The following IRAK1BP1 variants were observed in gnomAD, a reference collection of about 807,000 sequenced individuals.
The protein encoded by IRAK1BP1 is interleukin-1 receptor-associated kinase 1-binding protein 1.
A neutral mutation model predicts 28.0 loss-of-function variants in IRAK1BP1; 24 were observed. That is an observed-to-expected ratio of 0.86 (90% confidence interval 0.62 to 1.20). The LOEUF is 1.20. IRAK1BP1 is among the 50% of genes most tolerant of loss of function. The pLI is 0.00. For synonymous variants in IRAK1BP1, 131 were observed against 116.3 expected (o/e 1.13, Z -0.81); for missense variants, 336 against 316.7 (o/e 1.06, Z -0.46).
chr6:78,973,315 A>G, the IRAK1BP1 span, among the ~76,000 whole-genome samples: 830 of 151,170 alleles, frequency 5.5e-3, 5 homozygotes, highest in African/African-American at 0.02. Context: ...TACTTTACAG[A>G]CAAGCAAATG....
chr6:78,930,389 A>G (rs954034266), intron 4 of IRAK1BP1, among the ~76,000 whole-genome samples: 2 of 152,174 alleles, frequency 1.3e-5, no homozygotes, highest in African/African-American at 4.8e-5. Context: ...TTTGTACACT[A>G]TGGAGTTGCT....
At chr6:78,887,825 C>T (rs1051214357) in intron 2 of IRAK1BP1, among the ~76,000 whole-genome samples, 2 of 152,104 alleles carry the variant, frequency 1.3e-5, no homozygotes, top group South Asian at 2.1e-4. Context: ...AATAGAACTA[C>T]GATATGACCC....
chr6:78,935,662 C>T (rs923798631), intron 4 of IRAK1BP1: 20 of 983,528 alleles, frequency 2.0e-5, no homozygotes, highest in South Asian at 1.9e-4. Context: ...AATTACATTT[C>T]GGCACCCAAA....
At chr6:78,973,993 C>G in the IRAK1BP1 span, among the ~76,000 whole-genome samples, 4 of 152,080 alleles carry the variant, frequency 2.6e-5, no homozygotes, top group Non-Finnish European at 5.9e-5. Flanking sequence ...CAAGGATACC[C>G]AGGAATTGAA....
At chr6:78,954,704 A>C in the IRAK1BP1 span, 6 of 700,376 alleles carry the variant, frequency 8.6e-6, no homozygotes, top group East Asian at 3.1e-5. Context: ...CATGTATAAA[A>C]TAATAAAGAA....
At chr6:78,868,358 TTGAG>T (rs1207471502) in intron 1 of IRAK1BP1, among the ~76,000 whole-genome samples, 1 of 152,246 alleles carries the variant, frequency 6.6e-6, no homozygotes, top group African/African-American at 2.4e-5. Flanking sequence ...GGAATGGTTC[TTGAG>T]TATGTTCCGC....
intron 2 of IRAK1BP1, among the ~76,000 whole-genome samples, chr6:78,891,564 C>T (rs978674225): frequency 2.0e-5 from 3 of 151,906 alleles, no homozygotes; most frequent in South Asian, 2.1e-4. Context: ...CAGGTTCAAG[C>T]GATTCTCCTG....
At chr6:78,978,454 T>A in the IRAK1BP1 span, 1 of 509,226 alleles carries the variant, frequency 2.0e-6, no homozygotes, top group South Asian at 5.0e-5. Context: ...TTGTACTTTC[T>A]CCATACATAG....
At chr6:78,905,690 C>T (rs1401638891), downstream of IRAK1BP1, among the ~76,000 whole-genome samples, 1 of 152,168 alleles carries the variant, frequency 6.6e-6, no homozygotes, top group Non-Finnish European at 1.5e-5. Flanking sequence ...CAACCTCCGC[C>T]TCCTGGGTTC....
At position 78,899,184 on chromosome 6, in the gene IRAK1BP1, C is replaced by T. The variant is rs1326834085; in HGVS notation, c.*850C>T. ...AAGCAAACCTGCTCTTTGCCTCATCCCTTATAGATGCTCACTCAAAACTCA... is the reference window on the plus strand; with the variant it reads ...AAGCAAACCTGCTCTTTGCCTCATCTCTTATAGATGCTCACTCAAAACTCA... On this transcript the variant is annotated 3_prime_UTR_variant, in exon 4 of 4. Transcript: ENST00000369940. 6.6e-6 allele frequency: 1 copy of T among 152,140 alleles called. No individual in the cohort carries two copies. The highest frequency in any genetic ancestry group is 1.5e-5 in the Non-Finnish European group (1 of 68,026). The allele number at this position is 152,140 out of a possible 1,614,324, so 9.4% of individuals were successfully genotyped here.
the IRAK1BP1 span, among the ~76,000 whole-genome samples, chr6:78,952,949 C>T: frequency 1.2e-4 from 18 of 151,512 alleles, no homozygotes; most frequent in African/African-American, 4.4e-4. Flanking sequence ...TCAGAATAAT[C>T]TATTACTCAA....
chr6:78,967,483 C>T, the IRAK1BP1 span, among the ~76,000 whole-genome samples: 2,152 of 152,232 alleles, frequency 0.014, 34 homozygotes, highest in South Asian at 0.038. Context: ...AAGCAAAGAA[C>T]CTGGACTACT....
Position 78,869,875 on chromosome 6 carries a change from G to A in IRAK1BP1, c.315+1984G>A, listed in dbSNP as rs550002686. ...TGTAATCCCATCACTTTGGGAGGCC[G>A]AGGAGGGCAGATCACCTGAGGTGAG... On this transcript the variant is annotated intron_variant, in intron 1 of 3. Transcript: ENST00000369940. 1.6e-4 allele frequency among the ~76,000 whole-genome samples: 24 copies of A among 151,768 alleles called. No individual in the cohort carries two copies. The East Asian group carries it at 4.5e-3, about 28-fold the overall frequency.
At chr6:78,972,691 A>T in the IRAK1BP1 span, among the ~76,000 whole-genome samples, 1 of 152,232 alleles carries the variant, frequency 6.6e-6, no homozygotes, top group Admixed American at 6.5e-5. Flanking sequence ...AAAGGAGCTG[A>T]TAGAGCTGAA....
the IRAK1BP1 span, among the ~76,000 whole-genome samples, chr6:78,968,754 T>C: frequency 3.3e-5 from 5 of 152,374 alleles, no homozygotes; most frequent in East Asian, 1.9e-4. Flanking sequence ...CTTCATTTTT[T>C]TAATGCTTGG....
At chr6:78,940,672 A>G in intron 4 of IRAK1BP1, 1 of 1,484,976 alleles carries the variant, frequency 6.7e-7, no homozygotes, top group South Asian at 1.2e-5. Flanking sequence ...TAGATTTTGA[A>G]GTAAAATATT....
chr6:78,897,732 C>A, intron 2 of IRAK1BP1, 97 bp from the exon 3 acceptor site: 1 of 937,852 alleles, frequency 1.1e-6, no homozygotes, highest in South Asian at 1.9e-5. Context: ...TATAAAATGA[C>A]CTCATAGTCT....
chr6:78,953,269 T>C, the IRAK1BP1 span, among the ~76,000 whole-genome samples: 1 of 152,114 alleles, frequency 6.6e-6, no homozygotes, highest in Non-Finnish European at 1.5e-5. Flanking sequence ...ATATTTCTGG[T>C]TTAGGGTTGG....
rs115557555 is a variant in IRAK1BP1 at position 78,909,971 on chromosome 6, G to A, written c.*67+6861G>A. 3.4e-3 allele frequency among the ~76,000 whole-genome samples: 511 copies of A among 152,304 alleles called. 2 individuals are homozygous for A. The highest frequency in any genetic ancestry group is 0.011 in the African/African-American group (446 of 41,546). On this transcript the variant is annotated intron_variant and NMD_transcript_variant, in intron 4 of 4. Coordinates refer to the IRAK1BP1 transcript ENST00000606868. Reference sequence around the variant, plus strand: ...TTTCCCACAAAAATACAGGAAAAGGGTGGAAGGGAAACAATGAAAAAGTTC... The same window carrying A: ...TTTCCCACAAAAATACAGGAAAAGGATGGAAGGGAAACAATGAAAAAGTTC...
Sources: allele counts gnomAD v4.1 joint callset (sites outside exome capture counted in the v4.1 genomes callset), GRCh38; gene constraint gnomAD v4.1.1; transcripts MANE v1.5; gene names NCBI Gene and HGNC (gene_info 2026-07-23, HGNC 2026-07-21).